NUBPL: variants seen among roughly 807,000 people sequenced by gnomAD.
NUBPL encodes iron-sulfur cluster transfer protein NUBPL.
In NUBPL, 31 loss-of-function variants were observed where a neutral mutation model predicts 45.7. The observed-to-expected ratio is 0.68, with a 90% CI of 0.51 to 0.92. NUBPL has a LOEUF of 0.92. NUBPL is among the 40% of genes least tolerant of loss of function. The pLI, the probability that NUBPL is intolerant of heterozygous loss-of-function variation, is 0.00. For synonymous variants in NUBPL, 144 were observed against 140.9 expected, an observed-to-expected ratio of 1.02 and a Z score of -0.15; for missense variants, 401 against 398.7, an observed-to-expected ratio of 1.01 and a Z score of -0.05.
chr14:31,694,665 G>A (rs950918513), intron 6 of NUBPL, among the ~76,000 whole-genome samples: 9 of 152,234 alleles, frequency 5.9e-5, no homozygotes, highest in African/African-American at 2.2e-4. Context: ...ACAGGTGTGC[G>A]CCATGACGTC....
At chr14:31,820,349 T>A (rs554172030) in intron 7 of NUBPL, among the ~76,000 whole-genome samples, 1 of 152,098 alleles carries the variant, frequency 6.6e-6, no homozygotes, top group African/African-American at 2.4e-5. Context: ...TCATTAATGA[T>A]GGTATAAAGG....
intron 6 of NUBPL, among the ~76,000 whole-genome samples, chr14:31,722,784 T>G (rs1360527494): frequency 6.6e-6 from 1 of 152,162 alleles, no homozygotes; most frequent in Non-Finnish European, 1.5e-5. Flanking sequence ...TTAATGGGGT[T>G]GGTTTTTTTT....
At chr14:31,657,423 C>T (rs924435156) in intron 4 of NUBPL, among the ~76,000 whole-genome samples, 3 of 152,080 alleles carry the variant, frequency 2.0e-5, no homozygotes, top group Non-Finnish European at 4.4e-5. Flanking sequence ...TATTATCTTT[C>T]AAAACAAATT....
chr14:31,616,714 C>T (rs147848587), intron 4 of NUBPL, among the ~76,000 whole-genome samples: 44,853 of 152,114 alleles, frequency 0.29, 7,513 homozygotes, highest in South Asian at 0.41. Context: ...ATGACGCCTC[C>T]AGCTTTGTTC....
intron 4 of NUBPL, among the ~76,000 whole-genome samples, chr14:31,635,443 G>A (rs1370577005): frequency 3.4e-4 from 52 of 151,934 alleles, no homozygotes; most frequent in African/African-American, 9.4e-4. Context: ...TGTTCCATTG[G>A]TCTATATCTC....
chr14:31,752,266 G>A (rs2038548913), intron 6 of NUBPL, among the ~76,000 whole-genome samples: 1 of 152,070 alleles, frequency 6.6e-6, no homozygotes, highest in Non-Finnish European at 1.5e-5. Flanking sequence ...CTAAACTCTT[G>A]TGCCCTGCTT....
chr14:31,718,758 T>C (rs2037742998), intron 6 of NUBPL, among the ~76,000 whole-genome samples: 1 of 152,140 alleles, frequency 6.6e-6, no homozygotes, highest in African/African-American at 2.4e-5. Flanking sequence ...GAAAGCCAGG[T>C]TTTGTTAAGT....
chr14:31,748,436 C>A (rs1293278368), intron 6 of NUBPL, among the ~76,000 whole-genome samples: 3 of 152,086 alleles, frequency 2.0e-5, no homozygotes, highest in Admixed American at 6.5e-5. Flanking sequence ...GATTCAGTCT[C>A]TTCCCTTAGA....
intron 3 of NUBPL, among the ~76,000 whole-genome samples, chr14:31,568,203 A>G (rs954515477): frequency 3.9e-5 from 6 of 152,178 alleles, no homozygotes; most frequent in African/African-American, 7.2e-5. Flanking sequence ...ATGGATGGGA[A>G]GGTAGATAAA....
At chr14:31,624,240 A>G (rs2120143) in intron 4 of NUBPL, among the ~76,000 whole-genome samples, 151,653 of 152,318 alleles carry the variant, frequency 1, 75,499 homozygotes, top group Middle Eastern at 1. Context: ...ATGGCCCTTG[A>G]TTTTCTGAGT....
intron 4 of NUBPL, among the ~76,000 whole-genome samples, chr14:31,620,705 G>A (rs755971899): frequency 4.6e-5 from 7 of 152,158 alleles, no homozygotes; most frequent in Non-Finnish European, 7.3e-5. Flanking sequence ...TGTCCTGTAT[G>A]AGGTGTCTGT....
intron 7 of NUBPL, among the ~76,000 whole-genome samples, chr14:31,816,936 T>G (rs1351952741): frequency 6.6e-6 from 1 of 151,698 alleles, no homozygotes; most frequent in Non-Finnish European, 1.5e-5. Flanking sequence ...TGCTCAGGAG[T>G]GTTTTACTTC....
Position 31,765,789 on chromosome 14 carries a change from G to A in NUBPL, c.514-21991G>A, listed in dbSNP as rs77696901. On this transcript the variant is annotated intron_variant, in intron 6 of 10. Coordinates refer to ENST00000281081, the MANE Select transcript of NUBPL (RefSeq NM_025152.3). Reference sequence around the variant, plus strand: ...GTTTACCAAAGATTACTAAAGTCATGTGAACTTGAAAAGCATTTGGGCTAA... The same window carrying A: ...GTTTACCAAAGATTACTAAAGTCATATGAACTTGAAAAGCATTTGGGCTAA... Among the ~76,000 whole-genome samples, 139 of 152,266 alleles carry A rather than the reference G, an allele frequency of 9.1e-4. 3 individuals are homozygous for A. The East Asian group carries it at 0.027, about 29-fold the overall frequency.
chr14:31,823,594 G>A (rs2040052142), intron 7 of NUBPL, among the ~76,000 whole-genome samples: 1 of 152,016 alleles, frequency 6.6e-6, no homozygotes, highest in Non-Finnish European at 1.5e-5. Context: ...TTGAGCAGAG[G>A]TCGTTCTAAA....
At chr14:31,749,755 G>C (rs768637625) in intron 6 of NUBPL, among the ~76,000 whole-genome samples, 58 of 151,928 alleles carry the variant, frequency 3.8e-4, no homozygotes, top group Middle Eastern at 3.4e-3. Flanking sequence ...CCCATGACTT[G>C]GGAAACTTAC....
At chr14:31,710,887 T>C (rs995917526) in intron 6 of NUBPL, among the ~76,000 whole-genome samples, 7 of 152,210 alleles carry the variant, frequency 4.6e-5, no homozygotes, top group Non-Finnish European at 1.0e-4. Context: ...GGAAAAATTA[T>C]GTCTTTCTGA....
At chr14:31,593,720 C>T (rs185586893) in intron 3 of NUBPL, among the ~76,000 whole-genome samples, 2 of 152,012 alleles carry the variant, frequency 1.3e-5, no homozygotes, top group East Asian at 3.9e-4. Context: ...ATAGCCTGGC[C>T]AGTGAATGCC....
intron 4 of NUBPL, among the ~76,000 whole-genome samples, chr14:31,631,936 A>G (rs1188511470): frequency 6.6e-6 from 1 of 152,152 alleles, no homozygotes; most frequent in Non-Finnish European, 1.5e-5. Flanking sequence ...CGGTGGCCCA[A>G]AGTGACATAA....
At chr14:31,765,422 G>C (rs1233160505) in intron 6 of NUBPL, among the ~76,000 whole-genome samples, 1 of 152,164 alleles carries the variant, frequency 6.6e-6, no homozygotes, top group Admixed American at 6.6e-5. Flanking sequence ...CACTCATTGA[G>C]AGAAATTTTA....
Sources: gnomAD v4.1 joint callset for allele counts (sites outside exome capture counted in the v4.1 genomes callset) on GRCh38, gnomAD v4.1.1 for gene constraint, MANE v1.5 for transcripts, NCBI Gene and HGNC (gene_info 2026-07-23, HGNC 2026-07-21) for gene names.